Variants in PIAS2 observed in about 807,000 individuals in gnomAD.
The protein encoded by PIAS2 is E3 SUMO-protein ligase PIAS2.
Under a neutral mutation model 69.7 loss-of-function variants are expected in PIAS2, and 19 were observed. The ratio of observed to expected loss-of-function variants is 0.27; its 90% CI spans 0.19 to 0.40. The LOEUF (loss-of-function observed/expected upper bound fraction) is 0.40. Among genes scored for constraint, PIAS2 ranks in the 10% least tolerant of loss-of-function variants. PIAS2 has a pLI of 1.00. For missense variants in PIAS2, 624 were observed against 757.0 expected, an observed-to-expected ratio of 0.82 and a Z score of 2.06; for synonymous variants, 261 against 263.2, an observed-to-expected ratio of 0.99 and a Z score of 0.08.
intron 3 of PIAS2, among the ~76,000 whole-genome samples, chr18:46,857,533 T>C (rs2048018075): frequency 6.6e-6 from 1 of 152,190 alleles, no homozygotes. Context: ...TAACTGTGGG[T>C]ATCTAGTGCA....
chr18:46,901,022 T>C, intron 1 of PIAS2: 2 of 412,100 alleles, frequency 4.9e-6, no homozygotes, highest in South Asian at 1.8e-5. Context: ...AACAATTCAA[T>C]ATAATTTCTT....
chr18:46,895,824 C>G (rs1282573017), intron 1 of PIAS2, among the ~76,000 whole-genome samples: 3 of 152,140 alleles, frequency 2.0e-5, no homozygotes, highest in Non-Finnish European at 4.4e-5. Flanking sequence ...TTACTCTTTT[C>G]AAAGGTCATT....
intron 2 of PIAS2, among the ~76,000 whole-genome samples, chr18:46,882,728 T>A (rs190301265): frequency 6.6e-6 from 1 of 152,110 alleles, no homozygotes; most frequent in Non-Finnish European, 1.5e-5. Context: ...TATAAGATAA[T>A]AGAACTACTG....
At chr18:46,918,713 C>T (rs2058296564), upstream of PIAS2, among the ~76,000 whole-genome samples, 1 of 152,162 alleles carries the variant, frequency 6.6e-6, no homozygotes, top group Non-Finnish European at 1.5e-5. Context: ...TGAGCCACTG[C>T]ACCCGGCCTC....
chr18:46,907,097 A>G (rs572836243), intron 1 of PIAS2, among the ~76,000 whole-genome samples: 35 of 152,332 alleles, frequency 2.3e-4, no homozygotes, highest in Admixed American at 1.5e-3. Context: ...GCCAATGGAA[A>G]AGGGCAATGG....
intron 12 of PIAS2, 176 bp from the exon 13 acceptor site, chr18:46,815,525 A>C: frequency 2.0e-6 from 2 of 985,228 alleles, no homozygotes; most frequent in Non-Finnish European, 2.4e-6. Context: ...CCCAAAGATG[A>C]ATATATTCTC....
chr18:46,898,897 A>T (rs1264432988), intron 1 of PIAS2, among the ~76,000 whole-genome samples: 1 of 151,878 alleles, frequency 6.6e-6, no homozygotes, highest in Admixed American at 6.6e-5. Flanking sequence ...TGGGAGGCTG[A>T]GGCAGGAAAA....
intron 5 of PIAS2, among the ~76,000 whole-genome samples, chr18:46,848,164 GA>G (rs1480556154): frequency 3.9e-5 from 6 of 152,274 alleles, no homozygotes; most frequent in African/African-American, 1.4e-4. Flanking sequence ...ATTTTAGAGA[GA>G]AAAGTATCTT....
rs1292764304 is a variant in PIAS2 at position 46,908,734 on chromosome 18, T to C, written c.24+8588A>G. Among the ~76,000 whole-genome samples the C allele has an allele frequency of 2.0e-5, 3 of 152,148 alleles. No individual in the cohort carries two copies. The East Asian group carries it at 5.8e-4, about 29-fold the overall frequency. On this transcript the variant is annotated intron_variant, in intron 1 of 13. Coordinates refer to ENST00000585916, the MANE Select transcript of PIAS2 (RefSeq NM_004671.5). The stretch of plus-strand genomic sequence containing the variant: ...TCATCAAAAAACGCATAAGGCTGGA[T>C]GCAGTTGCTCATGCCTATAATCCCA...
At chr18:46,883,916 G>C (rs1198179464) in intron 2 of PIAS2, among the ~76,000 whole-genome samples, 1 of 152,204 alleles carries the variant, frequency 6.6e-6, no homozygotes, top group East Asian at 1.9e-4. Flanking sequence ...CCTGAGGTGG[G>C]AGGATCACTT....
At position 46,903,935 on chromosome 18, in the gene PIAS2, T is replaced by A. The variant is rs180683786; in HGVS notation, c.25-12881A>T. On this transcript the variant is annotated intron_variant, in intron 1 of 13. Transcript: ENST00000585916. The stretch of plus-strand genomic sequence containing the variant: ...CAACAACTTGGATGAATTTCCAGAA[T>A]TATGCTGAATGAAAAAGCCAGACCC... Among the ~76,000 whole-genome samples the A allele has an allele frequency of 3.4e-3, 519 of 152,334 alleles. 1 individual carries two copies. The highest frequency in any genetic ancestry group is 0.01 in the Middle Eastern group (3 of 294).
At chr18:46,827,595 C>T (rs1322124272) in intron 11 of PIAS2, 7 of 170,732 alleles carry the variant, frequency 4.1e-5, no homozygotes, top group East Asian at 1.6e-4. Flanking sequence ...AACAAGTAAG[C>T]GATGGTGTGC....
At chr18:46,887,232 CATAA>C (rs1008462518) in intron 2 of PIAS2, among the ~76,000 whole-genome samples, 2 of 132,394 alleles carry the variant, frequency 1.5e-5, no homozygotes, top group African/African-American at 5.7e-5. Flanking sequence ...TTTGCTAAAA[CATAA>C]ATAAAGCAAA....
chr18:46,914,812 G>C (rs115618132), intron 1 of PIAS2, among the ~76,000 whole-genome samples: 1,987 of 152,106 alleles, frequency 0.013, 41 homozygotes, highest in African/African-American at 0.044. Flanking sequence ...CTACTGCCAA[G>C]AAGTTAGCCA....
chr18:46,855,707 T>C, intron 3 of PIAS2, 92 bp from the exon 4 acceptor site: 1 of 950,028 alleles, frequency 1.1e-6, no homozygotes, highest in East Asian at 2.6e-5. Flanking sequence ...AAGCATTATT[T>C]GTATTTTTCT....
chr18:46,914,783 G>C (rs1332146814), intron 1 of PIAS2, among the ~76,000 whole-genome samples: 1 of 152,060 alleles, frequency 6.6e-6, no homozygotes, highest in Non-Finnish European at 1.5e-5. Flanking sequence ...GTGGCATCCA[G>C]ATCGGCTGAC....
chr18:46,900,777 C>T (rs1176929726), intron 1 of PIAS2, among the ~76,000 whole-genome samples: 1 of 151,624 alleles, frequency 6.6e-6, no homozygotes, highest in Non-Finnish European at 1.5e-5. Context: ...CGTTCAAGAC[C>T]AGCCTGGCCA....
At chr18:46,860,367 A>T (rs2048471768) in intron 3 of PIAS2, among the ~76,000 whole-genome samples, 1 of 152,246 alleles carries the variant, frequency 6.6e-6, no homozygotes, top group South Asian at 2.1e-4. Flanking sequence ...TAGATCAAAT[A>T]GATCACTTTT....
Position 46,807,410 on chromosome 18 carries a change from T to TTTTTA in PIAS2, c.*5022_*5023insTAAAA, listed in dbSNP as rs2040764255. The TTTTTA allele has an allele frequency of 8.8e-6, 1 of 113,874 alleles. No individual in the cohort carries two copies. Among genetic ancestry groups the TTTTTA allele is most frequent in the East Asian group, 2.3e-4 (1 of 4,366 alleles). The allele number at this position is 113,874 out of a possible 1,614,324, so 7.1% of individuals were successfully genotyped here. On this transcript the variant is annotated 3_prime_UTR_variant, in exon 14 of 14. Coordinates refer to ENST00000585916, the MANE Select transcript of PIAS2 (RefSeq NM_004671.5). ...TTTTTTTTTTTTTTTTTTTTTTTTT[T>TTTTTA]AGAGAGTCTTGCTTTGTTACCCAGG...
Sources: allele counts gnomAD v4.1 joint callset (sites outside exome capture counted in the v4.1 genomes callset), GRCh38; gene constraint gnomAD v4.1.1; transcripts MANE v1.5; gene names NCBI Gene and HGNC (gene_info 2026-07-23, HGNC 2026-07-21).